IFT88: variants seen among roughly 807,000 people sequenced by gnomAD.
IFT88 encodes the protein intraflagellar transport protein 88 homolog.
A neutral mutation model predicts 119.5 loss-of-function variants in IFT88; 74 were observed. That is an observed-to-expected ratio of 0.62 (90% CI 0.51 to 0.75). The LOEUF (loss-of-function observed/expected upper bound fraction) is 0.75. IFT88 is among the 30% of genes least tolerant of loss of function. The pLI is 0.00. For synonymous variants in IFT88, 279 were observed against 316.7 expected (o/e 0.88, Z 1.26); for missense variants, 961 against 977.7 (o/e 0.98, Z 0.23).
At chr13:20,581,625 C>T (rs961802640) in intron 2 of IFT88, among the ~76,000 whole-genome samples, 8 of 151,988 alleles carry the variant, frequency 5.3e-5, no homozygotes, top group African/African-American at 1.7e-4. Flanking sequence ...TTAGGAGGCT[C>T]AGGGGTGGAT....
intron 11 of IFT88, among the ~76,000 whole-genome samples, chr13:20,599,889 A>G (rs1566139537): frequency 6.6e-6 from 1 of 152,190 alleles, no homozygotes; most frequent in Non-Finnish European, 1.5e-5. Context: ...ATATCAATAC[A>G]AGGCTAGAAA....
At chr13:20,657,413 G>A (rs2053019210) in intron 22 of IFT88, among the ~76,000 whole-genome samples, 1 of 152,130 alleles carries the variant, frequency 6.6e-6, no homozygotes, top group South Asian at 2.1e-4. Context: ...GCAGCCAAAG[G>A]AAAGAGAAAA....
At chr13:20,684,708 G>T (rs1403725977) in intron 24 of IFT88, among the ~76,000 whole-genome samples, 6 of 152,234 alleles carry the variant, frequency 3.9e-5, no homozygotes, top group African/African-American at 1.4e-4. Context: ...TTTCTGAGGA[G>T]ATGCCGAAGC....
intron 17 of IFT88, among the ~76,000 whole-genome samples, chr13:20,638,915 A>T (rs1222505680): frequency 6.6e-6 from 1 of 152,242 alleles, no homozygotes; most frequent in Non-Finnish European, 1.5e-5. Context: ...ACACACAAGA[A>T]ATAAGTACCC....
chr13:20,602,015 ATGACTTCT>A (rs2042669344), intron 12 of IFT88, 82 bp downstream of exon 12: 1 of 773,390 alleles, frequency 1.3e-6, no homozygotes, highest in South Asian at 1.8e-5. Context: ...GCCAGAATAG[ATGACTTCT>A]TGGGTTTTTC....
intron 21 of IFT88, among the ~76,000 whole-genome samples, chr13:20,655,410 T>C (rs2052581720): frequency 6.8e-6 from 1 of 148,070 alleles, no homozygotes; most frequent in Non-Finnish European, 1.5e-5. Flanking sequence ...CTGCACTCAC[T>C]CCAGCCTGGT....
intron 11 of IFT88, 29 bp downstream of exon 11, chr13:20,599,594 T>C (rs1308505427): frequency 1.0e-6 from 1 of 1,002,878 alleles, no homozygotes; most frequent in African/African-American, 1.7e-5. Flanking sequence ...ATAATAATTG[T>C]AAAATTTAAG....
intron 24 of IFT88, among the ~76,000 whole-genome samples, chr13:20,679,421 A>G (rs956253869): frequency 3.3e-5 from 5 of 152,238 alleles, no homozygotes; most frequent in African/African-American, 1.2e-4. Flanking sequence ...TAAAGTGGCA[A>G]TTAAACGCCG....
intron 2 of IFT88, among the ~76,000 whole-genome samples, chr13:20,575,917 T>A (rs1359064404): frequency 1.3e-5 from 2 of 152,212 alleles, no homozygotes; most frequent in Non-Finnish European, 2.9e-5. Flanking sequence ...ATGATAGATC[T>A]ATTTTTAGTT....
chr13:20,626,583 C>T lies in IFT88; in HGVS notation c.1299+734C>T, dbSNP rs1475975788. ...GTCTGTTTTATGTGTTTGGTTTCCT[C>T]ATTGACACTGCATTGGGATTGGAAG... On this transcript the variant is annotated intron_variant, in intron 15 of 25. Transcript: ENST00000351808. Among the ~76,000 whole-genome samples the T allele has an allele frequency of 3.3e-5, 5 of 152,160 alleles. No homozygotes were observed. In the East Asian group the frequency reaches 9.6e-4, roughly 29 times the overall value.
At chr13:20,608,139 AC>A in intron 13 of IFT88, 1 of 444,608 alleles carries the variant, frequency 2.2e-6, no homozygotes, top group Non-Finnish European at 4.5e-6. Flanking sequence ...CTTAGTTTGA[AC>A]CACTATGACT....
intron 15 of IFT88, 63 bp from the exon 16 acceptor site, chr13:20,630,953 C>A (rs541679350): frequency 2.3e-5 from 25 of 1,069,344 alleles, no homozygotes; most frequent in Non-Finnish European, 3.6e-5. Context: ...ATCTTTTCCC[C>A]GACCATAAGC....
intron 20 of IFT88, among the ~76,000 whole-genome samples, chr13:20,646,130 C>G (rs913937399): frequency 1.3e-5 from 2 of 152,230 alleles, no homozygotes; most frequent in South Asian, 2.1e-4. Context: ...AACAGTCAGT[C>G]CCTTACCTTA....
chr13:20,674,589 T>A (rs2056369901), intron 24 of IFT88, among the ~76,000 whole-genome samples: 1 of 151,684 alleles, frequency 6.6e-6, no homozygotes, highest in Non-Finnish European at 1.5e-5. Context: ...AATTTTAGAC[T>A]GAAAATAATT....
Position 20,567,193 on chromosome 13 carries a change from C to T in IFT88, c.-70C>T, listed in dbSNP as rs2034971635. On this transcript the variant is annotated 5_prime_UTR_variant, in exon 1 of 26. Transcript: ENST00000351808. ...CGCTTGGCAACGGCTCGGCGTCGCG[C>T]TTTGGCCAACCGCTGCGTCGTCCCT... is the stretch of plus-strand genomic sequence containing the variant. The T allele has an allele frequency of 6.6e-6, 1 of 152,306 alleles. No individual in the cohort carries two copies. Among genetic ancestry groups the T allele is most frequent in the Non-Finnish European group, 1.5e-5 (1 of 68,124 alleles). 9.4% of individuals were successfully genotyped at this position (152,306 alleles called of 1,614,324 possible).
At chr13:20,684,449 C>T (rs2141231646) in intron 24 of IFT88, among the ~76,000 whole-genome samples, 1 of 152,308 alleles carries the variant, frequency 6.6e-6, no homozygotes, top group South Asian at 2.1e-4. Flanking sequence ...GTTACACTCT[C>T]CTTCTTCCTC....
At position 20,607,786 on chromosome 13, in the gene IFT88, G is replaced by A. The variant is rs542355760; in HGVS notation, c.1112+2681G>A. The A allele has an allele frequency of 6.2e-5, 46 of 743,862 alleles. 1 individual carries two copies. The highest frequency in any genetic ancestry group is 3.6e-4 in the African/African-American group (21 of 57,984). The allele number at this position is 743,862 out of a possible 1,614,324, so 46.1% of individuals were successfully genotyped here. A position where few individuals can be genotyped will look rare whatever the true frequency, so the allele number is the denominator to read the frequency against. ...CATTGCCTTCAGCATCCTCAACCTC[G>A]TCAGCTCTCTGAGCTATTCAGTTGT... On this transcript the variant is annotated intron_variant, in intron 13 of 25. Transcript: ENST00000351808.
At chr13:20,604,886 G>A in intron 12 of IFT88, 149 bp from the exon 13 acceptor site, 1 of 399,034 alleles carries the variant, frequency 2.5e-6, no homozygotes, top group Non-Finnish European at 4.6e-6. Flanking sequence ...GCCCAGGGAG[G>A]TGGAGGCTGC....
chr13:20,607,737 CTT>C, intron 13 of IFT88: 1 of 755,496 alleles, frequency 1.3e-6, no homozygotes, highest in East Asian at 2.5e-5. Flanking sequence ...CTGTCAGCGG[CTT>C]CTGTAACTTT....
Sources: gnomAD v4.1 joint callset for allele counts (sites outside exome capture counted in the v4.1 genomes callset) on GRCh38, gnomAD v4.1.1 for gene constraint, MANE v1.5 for transcripts, NCBI Gene and HGNC (gene_info 2026-07-23, HGNC 2026-07-21) for gene names.